DRC11: variants seen among roughly 807,000 people sequenced by gnomAD.
DRC11 encodes the protein dynein regulatory complex subunit 11.
the DRC11 span, among the ~76,000 whole-genome samples, chr2:236,329,051 TG>T: frequency 1.3e-5 from 2 of 152,218 alleles, no homozygotes; most frequent in Admixed American, 1.3e-4. Flanking sequence ...TTCTGGCTTG[TG>T]GCCCCTGCTC....
chr2:236,506,128 T>C, the DRC11 span, among the ~76,000 whole-genome samples: 2 of 152,314 alleles, frequency 1.3e-5, no homozygotes, highest in African/African-American at 4.8e-5. This position sits in a 1 kb window ranked among gnomAD's most constrained non-coding sequence, Gnocchi z 4.9. Context: ...GAGAAAGAAG[T>C]TACTTCTCCT....
chr2:236,397,773 C>A, the DRC11 span, among the ~76,000 whole-genome samples: 8 of 152,340 alleles, frequency 5.3e-5, no homozygotes, highest in East Asian at 1.4e-3. This position sits in a 1 kb window ranked among gnomAD's most constrained non-coding sequence, Gnocchi z 5.0. Flanking sequence ...TAACTCCCAG[C>A]AGGACCCACT....
chr2:236,497,622 G>C, the DRC11 span: 2 of 637,444 alleles, frequency 3.1e-6, no homozygotes, highest in South Asian at 4.1e-5. The surrounding 1 kb of genome is among the most constrained non-coding windows in gnomAD (Gnocchi z 5.1). Context: ...ATAGTTGCAA[G>C]GCTTGATAGA....
At chr2:236,381,235 C>T in the DRC11 span, among the ~76,000 whole-genome samples, 5 of 152,192 alleles carry the variant, frequency 3.3e-5, no homozygotes, top group African/African-American at 9.7e-5. This position sits in a 1 kb window ranked among gnomAD's most constrained non-coding sequence, Gnocchi z 5.8. Context: ...GACTTCGAGT[C>T]CGCTGGTGTC....
chr2:236,409,018 CT>C, the DRC11 span: 1 of 652,612 alleles, frequency 1.5e-6, no homozygotes, highest in South Asian at 1.7e-5. Flanking sequence ...GTGCTGTGCA[CT>C]TCCGAGGCAG....
At chr2:236,391,874 G>A in the DRC11 span, 1 of 910,612 alleles carries the variant, frequency 1.1e-6, no homozygotes, top group Non-Finnish European at 1.8e-6. The surrounding 1 kb of genome is among the most constrained non-coding windows in gnomAD (Gnocchi z 4.5). Flanking sequence ...AGGTGTCCTG[G>A]CAACAGGCGG....
At chr2:236,404,837 G>A in the DRC11 span, among the ~76,000 whole-genome samples, 1 of 152,186 alleles carries the variant, frequency 6.6e-6, no homozygotes, top group Non-Finnish European at 1.5e-5. Flanking sequence ...CAAAAGAAAT[G>A]CATTTTTCAC....
At chr2:236,368,110 T>C in the DRC11 span, 30 of 833,088 alleles carry the variant, frequency 3.6e-5, no homozygotes, top group East Asian at 7.9e-5. Flanking sequence ...GTACTTTTGA[T>C]GACAAACAGG....
the DRC11 span, among the ~76,000 whole-genome samples, chr2:236,389,308 A>C: frequency 6.6e-6 from 1 of 152,184 alleles, no homozygotes; most frequent in African/African-American, 2.4e-5. Flanking sequence ...GCTAGCAACC[A>C]GCGAGACTCC....
At chr2:236,365,226 G>T in the DRC11 span, among the ~76,000 whole-genome samples, 2 of 152,156 alleles carry the variant, frequency 1.3e-5, no homozygotes, top group South Asian at 4.2e-4. The surrounding 1 kb of genome is among the most constrained non-coding windows in gnomAD (Gnocchi z 7.4). Context: ...CAGGGGAGGA[G>T]CTGAACCTGA....
chr2:236,351,444 C>T, the DRC11 span, among the ~76,000 whole-genome samples: 14 of 152,118 alleles, frequency 9.2e-5, no homozygotes, highest in Non-Finnish European at 1.6e-4. This position sits in a 1 kb window ranked among gnomAD's most constrained non-coding sequence, Gnocchi z 7.3. Context: ...AGCCAGGGCA[C>T]AGGGTGAGGT....
chr2:236,447,737 T>C, the DRC11 span, among the ~76,000 whole-genome samples: 3 of 152,198 alleles, frequency 2.0e-5, no homozygotes, highest in Non-Finnish European at 2.9e-5. This position sits in a 1 kb window ranked among gnomAD's most constrained non-coding sequence, Gnocchi z 4.6. Context: ...CTCACACAGA[T>C]AGTCCAGGTT....
chr2:236,408,886 A>G, the DRC11 span: 1 of 658,866 alleles, frequency 1.5e-6, no homozygotes. This position sits in a 1 kb window ranked among gnomAD's most constrained non-coding sequence, Gnocchi z 5.5. Context: ...TTCACGTTGG[A>G]TCCTAGCCTG....
At chr2:236,358,023 A>ATGAATATATATTTATAATATATAGAT in the DRC11 span, among the ~76,000 whole-genome samples, 60 of 80,770 alleles carry the variant, frequency 7.4e-4, no homozygotes, top group Admixed American at 1.5e-3. Context: ...ATATAGATAT[A>ATGAATATATATTTATAATATATAGAT]ATATGAATAT....
the DRC11 span, among the ~76,000 whole-genome samples, chr2:236,355,818 G>C: frequency 1.3e-5 from 2 of 151,776 alleles, no homozygotes; most frequent in Admixed American, 1.3e-4. Flanking sequence ...TATTAATCAG[G>C]AAGAGAAGTC....
At chr2:236,381,688 G>C in the DRC11 span, among the ~76,000 whole-genome samples, 3 of 152,224 alleles carry the variant, frequency 2.0e-5, no homozygotes, top group Non-Finnish European at 4.4e-5. This position sits in a 1 kb window ranked among gnomAD's most constrained non-coding sequence, Gnocchi z 5.8. Context: ...ACAGCCTAGA[G>C]AGACATGCTT....
chr2:236,484,601 T>C, the DRC11 span, among the ~76,000 whole-genome samples: 1 of 137,318 alleles, frequency 7.3e-6, no homozygotes, highest in Non-Finnish European at 1.5e-5. Context: ...TATTCTTGGC[T>C]TTTTTTTTTT....
chr2:236,338,506 A>G, the DRC11 span: 1 of 881,136 alleles, frequency 1.1e-6, no homozygotes, highest in Non-Finnish European at 1.7e-6. Context: ...TGACAAACAC[A>G]ATTTCTTAAG....
chr2:236,353,489 C>A, the DRC11 span, among the ~76,000 whole-genome samples: 1 of 152,092 alleles, frequency 6.6e-6, no homozygotes, highest in African/African-American at 2.4e-5. This position sits in a 1 kb window ranked among gnomAD's most constrained non-coding sequence, Gnocchi z 5.0. Context: ...GTTTGTGTTT[C>A]GGCATGCATG....
Sources: allele counts gnomAD v4.1 joint callset (sites outside exome capture counted in the v4.1 genomes callset), GRCh38; gene constraint gnomAD v4.1.1; non-coding constraint Gnocchi (gnomAD v3.1); transcripts MANE v1.5; gene names NCBI Gene and HGNC (gene_info 2026-07-23, HGNC 2026-07-21).